The following ZNF324B variants were observed in gnomAD, a reference collection of about 807,000 sequenced individuals.
ZNF324B encodes zinc finger protein 324B.
A neutral mutation model predicts 10.6 loss-of-function variants in ZNF324B; 7 were observed. The observed-to-expected ratio is 0.66, with a 90% CI of 0.38 to 1.24. ZNF324B has a LOEUF of 1.24. Ranked by LOEUF, ZNF324B falls within the 50% of genes most tolerant of loss-of-function variation. The probability of loss-of-function intolerance (pLI) is 0.02; values close to 1 mark genes in which losing one functional copy is unlikely to be tolerated. For synonymous variants in ZNF324B, 316 were observed against 321.0 expected (o/e 0.98, Z 0.17); for missense variants, 640 against 764.7 (o/e 0.84, Z 1.92).
chr19:58,455,698 G>T lies in ZNF324B; in HGVS notation c.754G>T (p.Ala252Ser). The change falls in exon 4 of 4, where the codon GCT (alanine) becomes TCT (serine). Residue 252 changes from alanine (A) to serine (S), a missense_variant. Transcript: ENST00000336614. This position sits in a 1 kb window ranked among gnomAD's most constrained non-coding sequence, Gnocchi z 7.0. ...GGACGAGCTGGGCGAGGCTCTTCACGCTGGGGAGAAGTCCTTCGAATGCAG... is the reference window on the plus strand; with the variant it reads ...GGACGAGCTGGGCGAGGCTCTTCACTCTGGGGAGAAGTCCTTCGAATGCAG... ...TWDELGEALH[A>S]GEKSFECRAC... 3 of 1,613,550 alleles carry T rather than the reference G, an allele frequency of 1.9e-6. No homozygotes were observed. The highest frequency in any genetic ancestry group is 1.1e-5 in the South Asian group (1 of 91,034).
At chr19:58,443,589 C>T in the ZNF324B span, 1 of 152,348 alleles carries the variant, frequency 6.6e-6, no homozygotes, top group Non-Finnish European at 1.5e-5. Flanking sequence ...CCTCAATGCC[C>T]ACCTGGAATC....
Position 58,455,215 on chromosome 19 carries a change from T to A in ZNF324B, c.271T>A (p.Ser91Thr), listed in dbSNP as rs766582257. The change falls in exon 4 of 4, where the codon TCT (serine) becomes ACT (threonine). Residue 91 changes from serine to threonine, a missense_variant. Ser to Thr is a moderately conservative substitution (Grantham distance 58). This residue lies in a region of ZNF324B where 345 missense variants were observed against 387.9 expected (regional missense o/e 0.89). Coordinates refer to ENST00000336614, the MANE Select transcript of ZNF324B (RefSeq NM_207395.3). The surrounding 1 kb of genome is among the most constrained non-coding windows in gnomAD (Gnocchi z 7.0). ...SWSLTEDRDV[S>T]GEWPRAFPDT... ...GAGTTTGACAGAGGATAGAGATGTT[T>A]CTGGAGAATGGCCACGAGCTTTCCC... The A allele has an allele frequency of 6.2e-7, 1 of 1,614,116 alleles. No individual in the cohort carries two copies. The highest frequency in any genetic ancestry group is 1.1e-5 in the South Asian group (1 of 91,070).
upstream of ZNF324B, among the ~76,000 whole-genome samples, chr19:58,449,311 C>CAGGGCCCTCATGGAGAACCTCTGGT (rs1172188742): frequency 6.6e-6 from 1 of 152,216 alleles, no homozygotes; most frequent in Non-Finnish European, 1.5e-5. Flanking sequence ...GCTGCAGGGG[C>CAGGGCCCTCATGGAGAACCTCTGGT]AGGGCCCTCA....
At position 58,456,535 on chromosome 19, in the gene ZNF324B, C is replaced by T. The variant is rs897244807; in HGVS notation, c.1591C>T (p.Arg531Trp). 1.9e-6 allele frequency: 3 copies of T among 1,614,086 alleles called. No individual in the cohort carries two copies. Among genetic ancestry groups the T allele is most frequent in the Admixed American group, 1.7e-5 (1 of 60,022 alleles). Reference protein sequence around the residue: ...FLQGHHRKVRRGGKPSPVLKP... With the variant: ...FLQGHHRKVRWGGKPSPVLKP... ...TCAGGGACATCATCGGAAGGTGCGC[C>T]GGGGAGGGAAGCCAAGCCCAGTCCT... Residue 531 changes from arginine (R) to tryptophan (W), a missense_variant, in exon 4 of 4, where the codon CGG becomes TGG. Coordinates refer to ENST00000336614, the MANE Select transcript of ZNF324B (RefSeq NM_207395.3). This position sits in a 1 kb window ranked among gnomAD's most constrained non-coding sequence, Gnocchi z 4.7.
At chr19:58,447,177 T>A (rs936243577), upstream of ZNF324B, among the ~76,000 whole-genome samples, 3 of 151,840 alleles carry the variant, frequency 2.0e-5, no homozygotes, top group African/African-American at 7.3e-5. Flanking sequence ...AGTTTCACCA[T>A]ATATTGGCCA....
At chr19:58,438,185 A>G in the ZNF324B span, among the ~76,000 whole-genome samples, 3 of 152,206 alleles carry the variant, frequency 2.0e-5, no homozygotes, top group East Asian at 3.8e-4. Flanking sequence ...TTTTGCCGCT[A>G]TGCTTCACTG....
chr19:58,433,358 A>G, the ZNF324B span: 8 of 1,614,236 alleles, frequency 5.0e-6, no homozygotes, highest in Non-Finnish European at 6.8e-6. Context: ...GCAAGGTTAC[A>G]AAGATGGCTG....
the ZNF324B span, chr19:58,429,084 A>G: frequency 5.9e-5 from 9 of 152,240 alleles, no homozygotes; most frequent in Non-Finnish European, 1.3e-4. Flanking sequence ...TCAGTCTTTC[A>G]TAGGAGGCCT....
At chr19:58,453,611 GA>G in intron 1 of ZNF324B, 84 bp from the exon 2 acceptor site, 3 of 1,552,570 alleles carry the variant, frequency 1.9e-6, no homozygotes, top group Non-Finnish European at 2.6e-6. Context: ...GACACTGGGG[GA>G]GGTGACTGTT....
At chr19:58,454,612 T>C in intron 3 of ZNF324B, 1 of 561,884 alleles carries the variant, frequency 1.8e-6, no homozygotes, top group East Asian at 2.8e-5. Context: ...CAGCCATTAT[T>C]GATAGGTATT....
At chr19:58,442,021 A>G in the ZNF324B span, 1 of 152,338 alleles carries the variant, frequency 6.6e-6, no homozygotes, top group South Asian at 2.1e-4. Flanking sequence ...CCGCCTTTCC[A>G]TTGTTCCCTC....
chr19:58,437,125 A>T, the ZNF324B span: 2 of 1,613,884 alleles, frequency 1.2e-6, no homozygotes, highest in Non-Finnish European at 1.7e-6. Flanking sequence ...AGGAGCTCCC[A>T]CTCCTCTTGG....
At chr19:58,433,223 G>C in the ZNF324B span, 3 of 1,266,400 alleles carry the variant, frequency 2.4e-6, 1 homozygote, top group East Asian at 7.0e-5. Flanking sequence ...TTCCACATTA[G>C]CAGTACATGT....
the ZNF324B span, among the ~76,000 whole-genome samples, chr19:58,446,474 C>T: frequency 6.6e-6 from 1 of 151,930 alleles, no homozygotes; most frequent in Non-Finnish European, 1.5e-5. Flanking sequence ...TGGTAGGGGC[C>T]TTGCACACAT....
At chr19:58,427,349 CCTTTCTTTCTTTCTTTCTTTCTTTCTTT>C in the ZNF324B span, among the ~76,000 whole-genome samples, 3 of 56,014 alleles carry the variant, frequency 5.4e-5, no homozygotes, top group Admixed American at 4.3e-4. Flanking sequence ...CTTTCTCTTT[CCTTTCTTTCTTTCTTTCTTTCTTTCTTT>C]CTTTCTTTCT....
At chr19:58,420,566 T>TA in the ZNF324B span, among the ~76,000 whole-genome samples, 1 of 151,652 alleles carries the variant, frequency 6.6e-6, no homozygotes, top group Admixed American at 6.6e-5. Context: ...CCCATCTCTT[T>TA]AAATTTTTTT....
chr19:58,434,641 G>C, the ZNF324B span: 1 of 1,614,190 alleles, frequency 6.2e-7, no homozygotes, highest in South Asian at 1.1e-5. Context: ...ATTTCCACCT[G>C]TTGGGCATGT....
At chr19:58,444,937 CAT>C in the ZNF324B span, 1 of 162,210 alleles carries the variant, frequency 6.2e-6, no homozygotes, top group African/African-American at 2.4e-5. Flanking sequence ...AGAAAGTCCC[CAT>C]AAGCGCAAGG....
At chr19:58,427,723 A>G in the ZNF324B span, among the ~76,000 whole-genome samples, 2 of 151,442 alleles carry the variant, frequency 1.3e-5, no homozygotes, top group African/African-American at 4.9e-5. Context: ...TGGTGCAAAC[A>G]TAGCTCACTG....
Sources: gnomAD v4.1 joint callset for allele counts (sites outside exome capture counted in the v4.1 genomes callset) on GRCh38, gnomAD v4.1.1 for gene constraint, gnomAD v4.1.1 regional missense constraint, Gnocchi (gnomAD v3.1) non-coding constraint, MANE v1.5 for transcripts, NCBI Gene and HGNC (gene_info 2026-07-23, HGNC 2026-07-21) for gene names.